Variants in SELENOI observed in about 807,000 individuals in gnomAD.
The protein encoded by SELENOI is selenoprotein I.
A neutral mutation model predicts 50.7 loss-of-function variants in SELENOI; 24 were observed. The observed-to-expected ratio is 0.47, with a 90% CI of 0.34 to 0.67. The LOEUF (loss-of-function observed/expected upper bound fraction) is 0.67, where lower values mean the gene tolerates loss of function less well. SELENOI is among the 30% of genes least tolerant of loss of function. The pLI, the probability that SELENOI is intolerant of heterozygous loss-of-function variation, is 0.01. For missense variants in SELENOI, 352 were observed against 461.4 expected (o/e 0.76, Z 2.17); for synonymous variants, 155 against 170.2 (o/e 0.91, Z 0.70).
At chr2:26,351,051 G>GTT (rs201345011) in intron 1 of SELENOI, among the ~76,000 whole-genome samples, 83 of 102,012 alleles carry the variant, frequency 8.1e-4, no homozygotes, top group African/African-American at 3.3e-3. Context: ...TTCACTGTTT[G>GTT]TTTGTTTTTT....
At chr2:26,355,644 T>C (rs907687856) in intron 1 of SELENOI, among the ~76,000 whole-genome samples, 1 of 152,068 alleles carries the variant, frequency 6.6e-6, no homozygotes, top group Admixed American at 6.6e-5. Context: ...TCTCTCCGAC[T>C]TGTTAGATGT....
rs929543984 is a variant in SELENOI, at chr2:26,346,475, G to T, written c.57+186G>T. 9.6e-6 allele frequency: 6 copies of T among 623,184 alleles called. No individual in the cohort carries two copies. In the African/African-American group the frequency reaches 1.2e-4, roughly 12 times the overall value. 38.6% of individuals were successfully genotyped at this position (623,184 alleles called of 1,614,324 possible). A position where few individuals can be genotyped will look rare whatever the true frequency, so the allele number is the denominator to read the frequency against. Reference sequence around the variant, plus strand: ...GGGAGCGTGGGAGCATCCTAAGCCCGCCGCCCGTAGTCGGCACCCCCCGGG... The same window carrying T: ...GGGAGCGTGGGAGCATCCTAAGCCCTCCGCCCGTAGTCGGCACCCCCCGGG... On this transcript the variant is annotated intron_variant, in intron 1 of 9. Transcript: ENST00000260585.
chr2:26,347,562 T>A (rs1676823610), intron 1 of SELENOI, among the ~76,000 whole-genome samples: 1 of 152,128 alleles, frequency 6.6e-6, no homozygotes, highest in Non-Finnish European at 1.5e-5. Flanking sequence ...GGAAAGAGGG[T>A]CCAGAGCCTT....
intron 1 of SELENOI, among the ~76,000 whole-genome samples, chr2:26,360,088 T>C (rs1193484300): frequency 1.3e-5 from 2 of 152,206 alleles, no homozygotes; most frequent in Admixed American, 1.3e-4. Context: ...AAAATGTCAC[T>C]CCAGTGGAAA....
intron 1 of SELENOI, among the ~76,000 whole-genome samples, chr2:26,353,708 T>A (rs1229667041): frequency 6.6e-6 from 1 of 152,216 alleles, no homozygotes; most frequent in Non-Finnish European, 1.5e-5. Context: ...GGTGGAAAAC[T>A]GCAGAAGGGG....
At chr2:26,355,690 T>C (rs1422701914) in intron 1 of SELENOI, among the ~76,000 whole-genome samples, 1 of 151,812 alleles carries the variant, frequency 6.6e-6, no homozygotes, top group Non-Finnish European at 1.5e-5. Context: ...ATCTCCTTGC[T>C]CAATGAGTCA....
chr2:26,377,799 A>G (rs1677599218), intron 6 of SELENOI, among the ~76,000 whole-genome samples: 1 of 152,096 alleles, frequency 6.6e-6, no homozygotes, highest in Non-Finnish European at 1.5e-5. Context: ...TGAGTCCAAC[A>G]TCTGGGCCCA....
intron 1 of SELENOI, among the ~76,000 whole-genome samples, chr2:26,354,445 G>GGT (rs1328431850): frequency 6.6e-6 from 1 of 152,094 alleles, no homozygotes. Flanking sequence ...GGAGTGCAGT[G>GGT]GTGCGATCTC....
intron 9 of SELENOI, among the ~76,000 whole-genome samples, chr2:26,388,604 T>C (rs923922285): frequency 1.3e-5 from 2 of 152,196 alleles, no homozygotes; most frequent in African/African-American, 2.4e-5. Flanking sequence ...CTCTCCAAAT[T>C]CATAGATCTA....
Position 26,346,298 on chromosome 2 carries a change from G to A in SELENOI, c.57+9G>A, listed in dbSNP as rs1485125613. On this transcript the variant is annotated intron_variant, in intron 1 of 9. Transcript: ENST00000260585. ...GCTTTGATAAGTACAAGGTACCGCG[G>A]GCCGGCGGATGCCCCTCTCCCTGCT... The A allele has an allele frequency of 1.2e-6, 2 of 1,606,960 alleles. No individual in the cohort carries two copies. Among genetic ancestry groups the A allele is most frequent in the African/African-American group, 1.3e-5 (1 of 74,368 alleles).
At chr2:26,354,425 C>T (rs1468034056) in intron 1 of SELENOI, among the ~76,000 whole-genome samples, 3 of 152,072 alleles carry the variant, frequency 2.0e-5, no homozygotes, top group Non-Finnish European at 4.4e-5. Flanking sequence ...CTCGCTCTGT[C>T]GCCCAGGCTG....
intron 1 of SELENOI, among the ~76,000 whole-genome samples, chr2:26,349,873 T>A (rs1461003433): frequency 7.4e-6 from 1 of 134,746 alleles, no homozygotes; most frequent in South Asian, 2.3e-4. Flanking sequence ...TTCCGGAGGC[T>A]GAGGTGGGAG....
At chr2:26,364,456 C>G in intron 2 of SELENOI, 86 bp downstream of exon 2, 1 of 852,582 alleles carries the variant, frequency 1.2e-6, no homozygotes, top group Non-Finnish European at 1.8e-6. Context: ...AAATGCAACT[C>G]TCAGTTTCAT....
intron 1 of SELENOI, among the ~76,000 whole-genome samples, chr2:26,364,038 T>G (rs114565612): frequency 0.013 from 1,931 of 151,646 alleles, 29 homozygotes; most frequent in African/African-American, 0.037. Flanking sequence ...CCACCATGCC[T>G]GGCCTGTAGT....
At chr2:26,364,003 G>A (rs1677234287) in intron 1 of SELENOI, among the ~76,000 whole-genome samples, 1 of 151,580 alleles carries the variant, frequency 6.6e-6, no homozygotes, top group Non-Finnish European at 1.5e-5. Context: ...TGACCTTCCC[G>A]AAGTGCTAGG....
At chr2:26,362,086 T>A (rs1677190194) in intron 1 of SELENOI, among the ~76,000 whole-genome samples, 1 of 152,186 alleles carries the variant, frequency 6.6e-6, no homozygotes, top group African/African-American at 2.4e-5. Context: ...GCTTATTGGT[T>A]GACTCTTTGC....
intron 5 of SELENOI, among the ~76,000 whole-genome samples, chr2:26,374,141 AC>A (rs1366259750): frequency 6.6e-6 from 1 of 152,274 alleles, no homozygotes; most frequent in South Asian, 2.1e-4. Flanking sequence ...CTTTAAAAAA[AC>A]AATCACAATG....
Position 26,350,818 on chromosome 2 carries a change from ATATT to A in SELENOI, c.57+4533_57+4536del, listed in dbSNP as rs1434025786. ...GCTCAGTCTAGAAAGATGAATATGTATATTTATATTATATAGAGAGAAGGAGAGA... is the reference window on the plus strand; with the variant it reads ...GCTCAGTCTAGAAAGATGAATATGTATATATTATATAGAGAGAAGGAGAGA... On this transcript the variant is annotated intron_variant, in intron 1 of 9. Coordinates refer to ENST00000260585, the MANE Select transcript of SELENOI (RefSeq NM_033505.4). Among the ~76,000 whole-genome samples the A allele has an allele frequency of 2.6e-5, 4 of 152,132 alleles. No individual in the cohort carries two copies. The East Asian group carries it at 7.7e-4, about 29-fold the overall frequency.
chr2:26,385,056 A>C lies in SELENOI; in HGVS notation c.829A>C (p.Ile277Leu). The C allele has an allele frequency of 6.2e-7, 1 of 1,613,088 alleles. No homozygotes were observed. Among genetic ancestry groups the C allele is most frequent in the South Asian group, 1.1e-5 (1 of 91,002 alleles). ...CLLFILSTAW[I>L]LWSPSDILEL... Reference sequence around the variant, plus strand: ...GCTGTTCATTTTGTCTACAGCGTGGATCCTTTGGTCACCTTCAGATATTTT... The same window carrying C: ...GCTGTTCATTTTGTCTACAGCGTGGCTCCTTTGGTCACCTTCAGATATTTT... Residue 277 changes from isoleucine (I) to leucine (L), a missense_variant, in exon 8 of 10, where the codon ATC becomes CTC. Coordinates refer to ENST00000260585, the MANE Select transcript of SELENOI (RefSeq NM_033505.4).
Sources: gnomAD v4.1 joint callset for allele counts (sites outside exome capture counted in the v4.1 genomes callset) on GRCh38, gnomAD v4.1.1 for gene constraint, MANE v1.5 for transcripts, NCBI Gene and HGNC (gene_info 2026-07-23, HGNC 2026-07-21) for gene names.